The following ARL15 variants were observed in gnomAD, a reference collection of about 807,000 sequenced individuals.
ARL15 encodes the protein ARF like GTPase 15.
A neutral mutation model predicts 25.2 loss-of-function variants in ARL15; 19 were observed. The observed-to-expected ratio is 0.75, with a 90% CI of 0.53 to 1.10. ARL15 has a LOEUF of 1.10. ARL15 is among the 50% of genes least tolerant of loss of function. ARL15 has a pLI of 0.00. For synonymous variants in ARL15, 94 were observed against 86.8 expected, an observed-to-expected ratio of 1.08 and a Z score of -0.46; for missense variants, 220 against 246.0, an observed-to-expected ratio of 0.89 and a Z score of 0.71.
rs1310886416 is a variant in ARL15 at position 54,306,334 on chromosome 5, C to T, written c.48+4098G>A. ...GTATTTCAATACCACTAAGCAGTAA[C>T]AGTCATTCTACAGGAGGTATAAAAG... On this transcript the variant is annotated intron_variant, in intron 1 of 4. Coordinates refer to ENST00000504924, the MANE Select transcript of ARL15 (RefSeq NM_019087.3). Among the ~76,000 whole-genome samples the T allele has an allele frequency of 2.6e-5, 4 of 151,664 alleles. No homozygotes were observed. The South Asian group carries it at 6.2e-4, about 24-fold the overall frequency.
At chr5:54,149,697 A>G (rs151806) in intron 3 of ARL15, among the ~76,000 whole-genome samples, 42,848 of 152,066 alleles carry the variant, frequency 0.28, 7,143 homozygotes, top group East Asian at 0.82. Flanking sequence ...AGAATTTCTG[A>G]GCTTTGAAAC....
At chr5:54,279,563 C>T in intron 1 of ARL15, among the ~76,000 whole-genome samples, 1 of 152,206 alleles carries the variant, frequency 6.6e-6, no homozygotes, top group East Asian at 1.9e-4. Context: ...CTCCCAAAGG[C>T]CCCATCCCCA....
At chr5:53,924,424 C>T (rs542542876) in intron 4 of ARL15, among the ~76,000 whole-genome samples, 21 of 152,232 alleles carry the variant, frequency 1.4e-4, no homozygotes, top group Non-Finnish European at 2.5e-4. Flanking sequence ...AAATAAGATT[C>T]ATTCCAAAGA....
intron 1 of ARL15, among the ~76,000 whole-genome samples, chr5:54,200,045 CA>C (rs1254627591): frequency 6.7e-6 from 1 of 148,470 alleles, no homozygotes; most frequent in African/African-American, 2.5e-5. Context: ...ATTCCAAGAA[CA>C]AAAAACCAAA....
intron 4 of ARL15, among the ~76,000 whole-genome samples, chr5:54,107,446 A>G (rs1752624423): frequency 6.6e-6 from 1 of 152,174 alleles, no homozygotes; most frequent in South Asian, 2.1e-4. Flanking sequence ...AGGGATTAAA[A>G]GATTATTAAT....
intron 4 of ARL15, among the ~76,000 whole-genome samples, chr5:53,947,438 A>C (rs1294468563): frequency 6.6e-6 from 1 of 152,112 alleles, no homozygotes; most frequent in Non-Finnish European, 1.5e-5. Context: ...AATCAAACAA[A>C]TGGCTTGCAA....
chr5:54,249,413 T>G (rs1757180642), intron 1 of ARL15, among the ~76,000 whole-genome samples: 1 of 151,998 alleles, frequency 6.6e-6, no homozygotes, highest in Non-Finnish European at 1.5e-5. Context: ...AGAAGATACT[T>G]GAGTCAACGA....
At chr5:54,263,552 T>C (rs1757550581) in intron 1 of ARL15, among the ~76,000 whole-genome samples, 1 of 152,136 alleles carries the variant, frequency 6.6e-6, no homozygotes, top group Non-Finnish European at 1.5e-5. Flanking sequence ...TCTATAACCC[T>C]ATGGTTCCAC....
At chr5:53,917,640 C>A (rs1373412294) in intron 4 of ARL15, among the ~76,000 whole-genome samples, 1 of 152,168 alleles carries the variant, frequency 6.6e-6, no homozygotes, top group Non-Finnish European at 1.5e-5. Context: ...CAGTTTATTT[C>A]CTTAAATCCT....
intron 1 of ARL15, among the ~76,000 whole-genome samples, chr5:54,307,703 A>T (rs1030054511): frequency 1.2e-4 from 18 of 151,862 alleles, no homozygotes; most frequent in African/African-American, 4.1e-4. Flanking sequence ...CTTCCTTTCC[A>T]CTCTCCTCCA....
intron 1 of ARL15, 61 bp downstream of exon 1, chr5:54,310,371 A>T: frequency 6.4e-7 from 1 of 1,557,570 alleles, no homozygotes; most frequent in Non-Finnish European, 8.7e-7. Context: ...TCCTCAAGGC[A>T]GGGGGCCATC....
intron 4 of ARL15, among the ~76,000 whole-genome samples, chr5:54,033,066 G>A (rs1055508250): frequency 5.3e-5 from 8 of 151,778 alleles, no homozygotes; most frequent in African/African-American, 9.7e-5. Flanking sequence ...GGTGGTGCAC[G>A]ACTGTACTCC....
chr5:54,149,135 C>T (rs996595905), intron 3 of ARL15, among the ~76,000 whole-genome samples: 18 of 151,992 alleles, frequency 1.2e-4, no homozygotes, highest in Non-Finnish European at 2.5e-4. Flanking sequence ...TTTCATAATG[C>T]GGTTAAAGTA....
At chr5:54,256,611 TAAA>T (rs71600817) in intron 1 of ARL15, among the ~76,000 whole-genome samples, 3 of 112,488 alleles carry the variant, frequency 2.7e-5, no homozygotes, top group East Asian at 2.3e-4. Context: ...TGAAAGAATG[TAAA>T]AAAAAAAAAA....
At chr5:54,103,271 G>A (rs938418559) in intron 4 of ARL15, among the ~76,000 whole-genome samples, 7 of 151,974 alleles carry the variant, frequency 4.6e-5, no homozygotes, top group Non-Finnish European at 7.4e-5. Context: ...AACAAACACA[G>A]CAAAGACCAT....
At chr5:54,114,179 C>A (rs1184667781) in intron 3 of ARL15, among the ~76,000 whole-genome samples, 1 of 151,932 alleles carries the variant, frequency 6.6e-6, no homozygotes, top group Non-Finnish European at 1.5e-5. Flanking sequence ...AGGTGAATCA[C>A]CTGAGGTCAG....
chr5:54,105,104 A>G (rs2112191254), intron 4 of ARL15, among the ~76,000 whole-genome samples: 1 of 151,712 alleles, frequency 6.6e-6, no homozygotes, highest in East Asian at 1.9e-4. Context: ...TTATCTTCAA[A>G]GTACCTTACT....
intron 4 of ARL15, among the ~76,000 whole-genome samples, chr5:53,978,401 A>G (rs1748012104): frequency 6.6e-6 from 1 of 152,130 alleles, no homozygotes; most frequent in South Asian, 2.1e-4. Context: ...CTAATGTTCT[A>G]AAGACTGAAT....
intron 3 of ARL15, among the ~76,000 whole-genome samples, chr5:54,139,758 G>A (rs993182886): frequency 1.3e-5 from 2 of 152,122 alleles, no homozygotes; most frequent in African/African-American, 4.8e-5. Context: ...CTTGAGCCCA[G>A]GAGGTGGAGG....
Sources: gnomAD v4.1 joint callset for allele counts (sites outside exome capture counted in the v4.1 genomes callset) on GRCh38, gnomAD v4.1.1 for gene constraint, MANE v1.5 for transcripts, NCBI Gene and HGNC (gene_info 2026-07-23, HGNC 2026-07-21) for gene names.